AGBL4: variants seen among roughly 807,000 people sequenced by gnomAD.
AGBL4 encodes the protein AGBL carboxypeptidase 4.
In AGBL4, 58 loss-of-function variants were observed where a neutral mutation model predicts 66.4. That is an observed-to-expected ratio of 0.87 (90% CI 0.71 to 1.09). The LOEUF is 1.09. AGBL4 is among the 50% of genes least tolerant of loss of function. AGBL4 has a pLI of 0.00. For missense variants in AGBL4, 579 were observed against 631.0 expected, an observed-to-expected ratio of 0.92 and a Z score of 0.88; for synonymous variants, 234 against 222.9, an observed-to-expected ratio of 1.05 and a Z score of -0.44.
At chr1:49,743,478 T>G (rs1650715299) in intron 2 of AGBL4, among the ~76,000 whole-genome samples, 2 of 152,212 alleles carry the variant, frequency 1.3e-5, no homozygotes, top group South Asian at 4.1e-4. Flanking sequence ...GTTCAACCAT[T>G]GTGGAAGTTA....
intron 11 of AGBL4, among the ~76,000 whole-genome samples, chr1:48,576,702 G>A (rs1644659422): frequency 6.6e-6 from 1 of 152,070 alleles, no homozygotes; most frequent in East Asian, 1.9e-4. Context: ...CATAGAGTAG[G>A]GGCCAGAAAT....
intron 2 of AGBL4, chr1:49,845,057 A>G (rs1646101313): frequency 3.4e-6 from 5 of 1,455,086 alleles, no homozygotes; most frequent in Non-Finnish European, 4.7e-6. Context: ...CAGAAAACCT[A>G]TGTAAAAGAG....
At chr1:49,911,233 G>A (rs776219360) in intron 1 of AGBL4, among the ~76,000 whole-genome samples, 2 of 151,844 alleles carry the variant, frequency 1.3e-5, no homozygotes, top group African/African-American at 4.8e-5. Flanking sequence ...ATAATGAGCT[G>A]GACTCGCGAG....
At chr1:49,432,862 T>G (rs116314125) in intron 3 of AGBL4, among the ~76,000 whole-genome samples, 1 of 152,148 alleles carries the variant, frequency 6.6e-6, no homozygotes, top group Non-Finnish European at 1.5e-5. Flanking sequence ...GGGCTGGTCA[T>G]TGAACATACC....
At chr1:48,712,407 T>C (rs1391621521) in intron 6 of AGBL4, among the ~76,000 whole-genome samples, 1 of 152,174 alleles carries the variant, frequency 6.6e-6, no homozygotes, top group Non-Finnish European at 1.5e-5. Flanking sequence ...ACCCTGAGCA[T>C]ATCATTTCCC....
At chr1:49,177,991 G>A (rs1557703494) in intron 4 of AGBL4, among the ~76,000 whole-genome samples, 1 of 152,162 alleles carries the variant, frequency 6.6e-6, no homozygotes, top group Admixed American at 6.5e-5. Flanking sequence ...GAAGATGACA[G>A]TTAGAGGGCT....
At chr1:49,411,115 T>G (rs1326827117) in intron 3 of AGBL4, among the ~76,000 whole-genome samples, 1 of 152,124 alleles carries the variant, frequency 6.6e-6, no homozygotes, top group African/African-American at 2.4e-5. Context: ...TCCAAAAGCC[T>G]CAGAAGTAGG....
At chr1:48,877,369 T>C (rs1467936116) in intron 5 of AGBL4, among the ~76,000 whole-genome samples, 2 of 152,070 alleles carry the variant, frequency 1.3e-5, no homozygotes, top group Non-Finnish European at 2.9e-5. Flanking sequence ...AACGTAGATA[T>C]AATAAAAGGA....
chr1:49,134,746 C>T (rs746535642), intron 4 of AGBL4, among the ~76,000 whole-genome samples: 4 of 151,924 alleles, frequency 2.6e-5, no homozygotes, highest in African/African-American at 7.3e-5. Context: ...GTGCAGTTAA[C>T]GCAATCATCA....
chr1:49,115,116 G>T (rs143060189), intron 4 of AGBL4, among the ~76,000 whole-genome samples: 2 of 152,096 alleles, frequency 1.3e-5, no homozygotes, highest in African/African-American at 4.8e-5. Context: ...AAAGCAAAAT[G>T]CTATAAAATG....
At chr1:49,006,319 G>A (rs1180986695) in intron 5 of AGBL4, among the ~76,000 whole-genome samples, 2 of 152,162 alleles carry the variant, frequency 1.3e-5, no homozygotes, top group Admixed American at 6.5e-5. Context: ...CTTTTCCAAC[G>A]GGCTTAAAAA....
intron 3 of AGBL4, among the ~76,000 whole-genome samples, chr1:49,404,978 C>A (rs1044077615): frequency 2.6e-5 from 4 of 152,324 alleles, no homozygotes; most frequent in African/African-American, 9.6e-5. Flanking sequence ...TTTCTTCAAA[C>A]CACTGTGTGA....
intron 6 of AGBL4, among the ~76,000 whole-genome samples, chr1:48,665,299 G>C (rs1460204462): frequency 6.6e-6 from 1 of 152,196 alleles, no homozygotes; most frequent in Non-Finnish European, 1.5e-5. Context: ...GCATTTCCTG[G>C]ACTGAATATA....
At chr1:48,776,915 T>A (rs1645125991) in intron 6 of AGBL4, 1 of 431,392 alleles carries the variant, frequency 2.3e-6, no homozygotes, top group Non-Finnish European at 3.9e-6. Flanking sequence ...GGGGCGCGAG[T>A]CTCGCTACGG....
At chr1:49,351,997 T>C (rs1434280118) in intron 3 of AGBL4, among the ~76,000 whole-genome samples, 1 of 152,208 alleles carries the variant, frequency 6.6e-6, no homozygotes, top group Non-Finnish European at 1.5e-5. Flanking sequence ...TGTACTCTTT[T>C]TCAATTAACT....
chr1:49,968,357 T>G (rs1017921442), intron 1 of AGBL4, among the ~76,000 whole-genome samples: 1 of 152,310 alleles, frequency 6.6e-6, no homozygotes, highest in African/African-American at 2.4e-5. Context: ...ATTTTCTGCA[T>G]TTTTCACATA....
intron 4 of AGBL4, among the ~76,000 whole-genome samples, chr1:49,108,287 T>C (rs1645337227): frequency 6.6e-6 from 1 of 152,240 alleles, no homozygotes; most frequent in Non-Finnish European, 1.5e-5. Flanking sequence ...GCCACTATTC[T>C]AGATACCTGG....
At chr1:50,015,620 T>C (rs1372267614) in intron 1 of AGBL4, among the ~76,000 whole-genome samples, 1 of 152,118 alleles carries the variant, frequency 6.6e-6, no homozygotes, top group African/African-American at 2.4e-5. Flanking sequence ...CATTCTACAG[T>C]ATTGCAGCCT....
intron 2 of AGBL4, among the ~76,000 whole-genome samples, chr1:49,820,499 T>C (rs1379940905): frequency 6.6e-6 from 1 of 152,108 alleles, no homozygotes; most frequent in Non-Finnish European, 1.5e-5. Flanking sequence ...TGATGTGAAA[T>C]GAATTATCTC....
Sources: allele counts gnomAD v4.1 joint callset (sites outside exome capture counted in the v4.1 genomes callset), GRCh38; gene constraint gnomAD v4.1.1; transcripts MANE v1.5; gene names NCBI Gene and HGNC (gene_info 2026-07-23, HGNC 2026-07-21).